The following ORC5 variants were observed in gnomAD, a reference collection of about 807,000 sequenced individuals.
The protein encoded by ORC5 is protein phosphatase 1, regulatory subunit 117.
ORC5 carries 39 observed loss-of-function variants against 58.8 expected under a neutral mutation model. That is an observed-to-expected ratio of 0.66 (90% CI 0.51 to 0.87). The LOEUF (loss-of-function observed/expected upper bound fraction) is 0.87. Ranked by LOEUF, ORC5 falls within the 40% of genes least tolerant of loss-of-function variation. The pLI, the probability that ORC5 is intolerant of heterozygous loss-of-function variation, is 0.00. For missense variants in ORC5, 493 were observed against 506.3 expected (o/e 0.97, Z 0.25); for synonymous variants, 218 against 177.6 (o/e 1.23, Z -1.81).
rs957384798 is a variant in ORC5 at position 104,138,564 on chromosome 7, C to T, written c.1150-1671G>A. ...TCACTCCATTATCCATGCTGGATTG[C>T]AGTGGCGCAATCATGGCTCACTGCA... is the stretch of plus-strand genomic sequence containing the variant. On this transcript the variant is annotated intron_variant, in intron 12 of 13. Coordinates refer to ENST00000297431, the MANE Select transcript of ORC5 (RefSeq NM_002553.4). This position sits in a 1 kb window ranked among gnomAD's most constrained non-coding sequence, Gnocchi z 4.7. Among the ~76,000 whole-genome samples, 1 of 151,654 alleles carries T rather than the reference C, an allele frequency of 6.6e-6. No individual in the cohort carries two copies. The highest frequency in any genetic ancestry group is 1.5e-5 in the Non-Finnish European group (1 of 67,914).
rs189253872 is a variant in ORC5, at chr7:104,136,083, G to A, written c.1262+698C>T. On this transcript the variant is annotated intron_variant, in intron 13 of 13. Transcript: ENST00000297431. The surrounding 1 kb of genome is among the most constrained non-coding windows in gnomAD (Gnocchi z 4.2). ...TTAGACAGCTTTCATTTTGACAAAT[G>A]TACTTTCTTCCCCAGAACTTCTAAC... Among the ~76,000 whole-genome samples the A allele has an allele frequency of 1.3e-5, 2 of 152,278 alleles. No homozygotes were observed. The highest frequency in any genetic ancestry group is 2.1e-4 in the South Asian group (1 of 4,818).
At chr7:104,131,620 G>A (rs1277408813) in intron 13 of ORC5, among the ~76,000 whole-genome samples, 2 of 152,138 alleles carry the variant, frequency 1.3e-5, no homozygotes, top group Non-Finnish European at 2.9e-5. Flanking sequence ...GGGAGGCCGA[G>A]GTGGGTGGAT....
chr7:104,195,650 C>CAA lies in ORC5; in HGVS notation c.442-398_442-397dup, dbSNP rs1363914743. 3.3e-5 allele frequency among the ~76,000 whole-genome samples: 5 copies of CAA among 152,302 alleles called. No individual in the cohort carries two copies. In the East Asian group the frequency reaches 9.6e-4, roughly 29 times the overall value. On this transcript the variant is annotated intron_variant, in intron 4 of 13. Coordinates refer to ENST00000297431, the MANE Select transcript of ORC5 (RefSeq NM_002553.4). ...AAGCGATCCTCCTGCCTCAGCCTCT[C>CAA]AAAGTGCTGGAATTATAGGCATTAG...
chr7:104,157,412 T>TAA (rs1430607761), intron 12 of ORC5, among the ~76,000 whole-genome samples: 1 of 152,082 alleles, frequency 6.6e-6, no homozygotes, highest in Non-Finnish European at 1.5e-5. Flanking sequence ...AGCAATACTT[T>TAA]AAATATACAA....
intron 12 of ORC5, among the ~76,000 whole-genome samples, chr7:104,149,089 C>T (rs1381888547): frequency 6.6e-6 from 1 of 151,132 alleles, no homozygotes; most frequent in Non-Finnish European, 1.5e-5. Context: ...TTTCTTAAAT[C>T]CAGAAATTAT....
intron 3 of ORC5, among the ~76,000 whole-genome samples, chr7:104,199,654 T>C (rs1431722429): frequency 6.6e-6 from 1 of 152,260 alleles, no homozygotes. Flanking sequence ...CTTTTGATTT[T>C]ATAGGCTCAT....
chr7:104,154,334 A>G (rs1798890542), intron 12 of ORC5, among the ~76,000 whole-genome samples: 2 of 152,074 alleles, frequency 1.3e-5, no homozygotes, highest in Non-Finnish European at 2.9e-5. Flanking sequence ...CAGGTTTGTT[A>G]TGACTCAGTA....
intron 12 of ORC5, among the ~76,000 whole-genome samples, chr7:104,143,218 A>G (rs1264849823): frequency 2.0e-5 from 3 of 151,966 alleles, no homozygotes; most frequent in Non-Finnish European, 4.4e-5. Context: ...ATTTCCTTAT[A>G]ATATTTCTCA....
intron 12 of ORC5, among the ~76,000 whole-genome samples, chr7:104,139,973 C>T (rs1041888934): frequency 6.6e-6 from 1 of 151,964 alleles, no homozygotes; most frequent in Non-Finnish European, 1.5e-5. Flanking sequence ...AGGTAACATA[C>T]ATACAGATTT....
At chr7:104,144,494 A>G (rs2115783723) in intron 12 of ORC5, among the ~76,000 whole-genome samples, 1 of 152,226 alleles carries the variant, frequency 6.6e-6, no homozygotes, top group Middle Eastern at 3.4e-3. Flanking sequence ...AGTGGCTCAC[A>G]CCTGTAATCC....
At chr7:104,189,748 T>C (rs1799631927) in intron 5 of ORC5, among the ~76,000 whole-genome samples, 1 of 152,012 alleles carries the variant, frequency 6.6e-6, no homozygotes, top group Non-Finnish European at 1.5e-5. Flanking sequence ...CCTGTGTACC[T>C]GTTCATCTGG....
intron 6 of ORC5, among the ~76,000 whole-genome samples, chr7:104,187,298 T>A (rs1217113399): frequency 6.6e-6 from 1 of 152,200 alleles, no homozygotes; most frequent in Non-Finnish European, 1.5e-5. Context: ...TTTTCCCAGC[T>A]GAGAAGATGT....
intron 9 of ORC5, chr7:104,168,027 T>G (rs1799137156): frequency 6.4e-6 from 1 of 157,334 alleles, no homozygotes; most frequent in South Asian, 2.0e-4. Context: ...ATTTAATATT[T>G]GGGATGAATC....
chr7:104,141,771 T>C (rs1562804736), intron 12 of ORC5, among the ~76,000 whole-genome samples: 2 of 152,084 alleles, frequency 1.3e-5, no homozygotes, highest in Non-Finnish European at 2.9e-5. Context: ...ATCAAGAAGG[T>C]GAATTATTTA....
chr7:104,180,703 C>T (rs960821470), intron 8 of ORC5, among the ~76,000 whole-genome samples: 7 of 152,060 alleles, frequency 4.6e-5, no homozygotes, highest in African/African-American at 1.4e-4. Flanking sequence ...GTGTAAGAAG[C>T]ATTGCCAAAT....
chr7:104,136,716 C>G lies in ORC5; in HGVS notation c.1262+65G>C. The G allele has an allele frequency of 1.0e-6, 1 of 1,004,156 alleles. No homozygotes were observed. The highest frequency in any genetic ancestry group is 2.5e-5 in the East Asian group (1 of 40,432). 62.2% of individuals were successfully genotyped at this position (1,004,156 alleles called of 1,614,324 possible). A position where few individuals can be genotyped will look rare whatever the true frequency, so the allele number is the denominator to read the frequency against. The stretch of plus-strand genomic sequence containing the variant: ...CATGTTTAAATGTCATGACTAATGA[C>G]ATCACATTTGGAAAACACTAATTTT... On this transcript the variant is annotated intron_variant, in intron 13 of 13. Coordinates refer to ENST00000297431, the MANE Select transcript of ORC5 (RefSeq NM_002553.4). The surrounding 1 kb of genome is among the most constrained non-coding windows in gnomAD (Gnocchi z 4.2).
intron 11 of ORC5, among the ~76,000 whole-genome samples, chr7:104,164,793 A>T (rs1799079460): frequency 6.6e-6 from 1 of 152,188 alleles, no homozygotes; most frequent in African/African-American, 2.4e-5. Context: ...TTTGAGGCTT[A>T]GGTTTTAGCG....
At chr7:104,170,860 A>G (rs1799198545) in intron 8 of ORC5, among the ~76,000 whole-genome samples, 1 of 152,054 alleles carries the variant, frequency 6.6e-6, no homozygotes, top group Non-Finnish European at 1.5e-5. Flanking sequence ...TATATGTTAA[A>G]TCTTCTTTGT....
chr7:104,198,897 G>A (rs559518502), intron 3 of ORC5, among the ~76,000 whole-genome samples: 180 of 152,324 alleles, frequency 1.2e-3, no homozygotes, highest in African/African-American at 4.1e-3. Context: ...GGAACTTGGT[G>A]TCCTGCATCC....
Sources: allele counts gnomAD v4.1 joint callset (sites outside exome capture counted in the v4.1 genomes callset), GRCh38; gene constraint gnomAD v4.1.1; non-coding constraint Gnocchi (gnomAD v3.1); transcripts MANE v1.5; gene names NCBI Gene and HGNC (gene_info 2026-07-23, HGNC 2026-07-21).